The following ITFG1 variants were observed in gnomAD, a reference collection of about 807,000 sequenced individuals.
The protein encoded by ITFG1 is integrin alpha FG-GAP repeat containing 1.
Under a neutral mutation model 81.8 loss-of-function variants are expected in ITFG1, and 34 were observed. The ratio of observed to expected loss-of-function variants is 0.42; its 90% CI spans 0.32 to 0.55. The LOEUF (loss-of-function observed/expected upper bound fraction) is 0.55, where lower values mean the gene tolerates loss of function less well. ITFG1 is among the 20% of genes least tolerant of loss of function. ITFG1 has a pLI of 0.17. For synonymous variants in ITFG1, 285 were observed against 270.6 expected (o/e 1.05, Z -0.52); for missense variants, 672 against 755.4 (o/e 0.89, Z 1.29).
At chr16:47,316,517 C>T (rs1967361218) in intron 8 of ITFG1, among the ~76,000 whole-genome samples, 1 of 152,190 alleles carries the variant, frequency 6.6e-6, no homozygotes, top group African/African-American at 2.4e-5. Context: ...ACAGTTTACA[C>T]ACAAACAATG....
chr16:47,309,825 A>G lies in ITFG1; in HGVS notation c.1070+1415T>C, dbSNP rs370536080. Among the ~76,000 whole-genome samples, 21 of 152,356 alleles carry G rather than the reference A, an allele frequency of 1.4e-4. No homozygotes were observed. In the East Asian group the frequency reaches 3.9e-3, roughly 28 times the overall value. ...AATTGTTAACAAAAACACTGTTGAT[A>G]AAGAACTTTTATAGTAAAATATAAA... On this transcript the variant is annotated intron_variant, in intron 10 of 17. Coordinates refer to ENST00000320640, the MANE Select transcript of ITFG1 (RefSeq NM_030790.5).
At chr16:47,460,251 C>T (rs779094347) in intron 1 of ITFG1, among the ~76,000 whole-genome samples, 20 of 152,160 alleles carry the variant, frequency 1.3e-4, no homozygotes, top group Non-Finnish European at 2.4e-4. Flanking sequence ...TCAGTGGTCC[C>T]TGCAAAATGC....
intron 14 of ITFG1, among the ~76,000 whole-genome samples, chr16:47,183,040 C>T (rs188679752): frequency 3.1e-4 from 47 of 152,316 alleles, no homozygotes; most frequent in African/African-American, 9.9e-4. Flanking sequence ...TCACTCCCAC[C>T]CGAATACCGC....
chr16:47,443,210 A>G (rs767075876), intron 5 of ITFG1, among the ~76,000 whole-genome samples: 20 of 152,222 alleles, frequency 1.3e-4, no homozygotes, highest in Non-Finnish European at 2.2e-4. Context: ...ACCATTTCAT[A>G]CCAGGTAGAA....
chr16:47,207,069 A>G (rs1035852253), intron 14 of ITFG1, among the ~76,000 whole-genome samples: 2 of 152,306 alleles, frequency 1.3e-5, no homozygotes, highest in East Asian at 3.9e-4. Flanking sequence ...AACAAGACAA[A>G]GATCCTTGCT....
intron 13 of ITFG1, among the ~76,000 whole-genome samples, chr16:47,235,547 G>A (rs1965863465): frequency 6.6e-6 from 1 of 152,176 alleles, no homozygotes; most frequent in Non-Finnish European, 1.5e-5. Context: ...TTTTCAAAAT[G>A]GAGATGAAGG....
At chr16:47,159,057 A>T in intron 16 of ITFG1, 67 bp from the exon 17 acceptor site, 2 of 735,006 alleles carry the variant, frequency 2.7e-6, no homozygotes, top group Non-Finnish European at 4.3e-6. Flanking sequence ...TTATATTGAG[A>T]CCCCAAAGCA....
intron 14 of ITFG1, among the ~76,000 whole-genome samples, chr16:47,194,356 T>C (rs1366067520): frequency 6.6e-6 from 1 of 152,236 alleles, no homozygotes; most frequent in Non-Finnish European, 1.5e-5. Context: ...CATCTAAGTA[T>C]ATTTTCATAT....
intron 15 of ITFG1, 63 bp downstream of exon 15, chr16:47,162,477 A>T: frequency 8.0e-7 from 1 of 1,248,010 alleles, no homozygotes; most frequent in Non-Finnish European, 1.1e-6. Context: ...TATTTAATTT[A>T]AATACTTAAA....
At chr16:47,394,952 A>T (rs1968576424) in intron 6 of ITFG1, among the ~76,000 whole-genome samples, 1 of 152,178 alleles carries the variant, frequency 6.6e-6, no homozygotes, top group Admixed American at 6.5e-5. Flanking sequence ...GTGCAGCTAA[A>T]TAATACTTTT....
chr16:47,365,738 GAGAATTGGAA>G, intron 8 of ITFG1, 40 bp downstream of exon 8: 1 of 1,052,722 alleles, frequency 9.5e-7, no homozygotes, highest in Non-Finnish European at 1.5e-6. Flanking sequence ...GAAAGAAGGA[GAGAATTGGAA>G]AGGCAAAAGC....
intron 10 of ITFG1, among the ~76,000 whole-genome samples, chr16:47,291,385 C>A (rs1275410961): frequency 6.6e-6 from 1 of 151,994 alleles, no homozygotes; most frequent in Non-Finnish European, 1.5e-5. Context: ...CCTGTCTCTG[C>A]CATTTGACCA....
chr16:47,350,846 C>T (rs1967941777), intron 8 of ITFG1, among the ~76,000 whole-genome samples: 8 of 152,152 alleles, frequency 5.3e-5, no homozygotes, highest in Admixed American at 5.2e-4. Flanking sequence ...TCCAGCAGTA[C>T]ATCAAAAAGC....
At chr16:47,334,409 CAG>C (rs1167730479) in intron 8 of ITFG1, among the ~76,000 whole-genome samples, 1 of 152,122 alleles carries the variant, frequency 6.6e-6, no homozygotes, top group Non-Finnish European at 1.5e-5. Flanking sequence ...AACTGGGTGA[CAG>C]AGTGAGCCCT....
chr16:47,455,978 T>A (rs1184220373), intron 2 of ITFG1, among the ~76,000 whole-genome samples: 3 of 152,044 alleles, frequency 2.0e-5, no homozygotes, highest in African/African-American at 7.2e-5. Flanking sequence ...AAATATTTAA[T>A]AATGTAAGAG....
chr16:47,225,222 CA>C (rs1965743463), intron 13 of ITFG1, among the ~76,000 whole-genome samples: 1 of 150,530 alleles, frequency 6.6e-6, no homozygotes, highest in South Asian at 2.1e-4. Context: ...GAAGATATGT[CA>C]ATTCATATTA....
intron 14 of ITFG1, among the ~76,000 whole-genome samples, chr16:47,189,349 A>G (rs1013006764): frequency 6.6e-5 from 10 of 152,284 alleles, no homozygotes; most frequent in Non-Finnish European, 1.5e-4. Context: ...CCCACACCCA[A>G]GAGCACTTAG....
intron 12 of ITFG1, 150 bp from the exon 13 acceptor site, chr16:47,238,158 A>G: frequency 1.8e-6 from 1 of 561,142 alleles, no homozygotes; most frequent in South Asian, 2.4e-5. Flanking sequence ...AGCAAATTAA[A>G]GTTCTGTTGT....
intron 2 of ITFG1, among the ~76,000 whole-genome samples, chr16:47,456,545 C>A (rs1208342506): frequency 6.6e-6 from 1 of 151,886 alleles, no homozygotes; most frequent in East Asian, 1.9e-4. Context: ...CTACAAAATT[C>A]GCTGGGCGTG....
Sources: allele counts gnomAD v4.1 joint callset (sites outside exome capture counted in the v4.1 genomes callset), GRCh38; gene constraint gnomAD v4.1.1; transcripts MANE v1.5; gene names NCBI Gene and HGNC (gene_info 2026-07-23, HGNC 2026-07-21).